Variants in MSRA observed in about 807,000 individuals in gnomAD.
MSRA encodes the protein methionine sulfoxide reductase A.
A neutral mutation model predicts 31.3 loss-of-function variants in MSRA; 54 were observed. That is an observed-to-expected ratio of 1.73 (90% CI 1.39 to 2.17). The LOEUF is 2.17. Ranked by LOEUF, MSRA falls within the 30% of genes most tolerant of loss-of-function variation. The pLI is 0.00. For missense variants in MSRA, 507 were observed against 300.9 expected, an observed-to-expected ratio of 1.69 and a Z score of -5.07; for synonymous variants, 169 against 116.5, an observed-to-expected ratio of 1.45 and a Z score of -2.90.
At chr8:10,308,597 G>C (rs1403428603) in intron 4 of MSRA, among the ~76,000 whole-genome samples, 1 of 152,240 alleles carries the variant, frequency 6.6e-6, no homozygotes, top group Non-Finnish European at 1.5e-5. Context: ...ACTCTTTACA[G>C]TGGCCAGTGT....
chr8:10,378,113 G>A (rs188373580), intron 5 of MSRA, among the ~76,000 whole-genome samples: 16 of 152,326 alleles, frequency 1.1e-4, no homozygotes, highest in Admixed American at 2.0e-4. Context: ...GGCACAGGGC[G>A]GAAGCAGGGA....
intron 1 of MSRA, among the ~76,000 whole-genome samples, chr8:10,178,312 G>T (rs560832796): frequency 3.3e-5 from 5 of 151,932 alleles, no homozygotes; most frequent in African/African-American, 1.2e-4. Context: ...ATTCCAGGCC[G>T]GACACGGTGG....
At chr8:10,212,604 A>C (rs2129062261) in intron 2 of MSRA, among the ~76,000 whole-genome samples, 1 of 152,280 alleles carries the variant, frequency 6.6e-6, no homozygotes, top group Non-Finnish European at 1.5e-5. Flanking sequence ...TATTCATAAA[A>C]CCTAGTTTGT....
intron 1 of MSRA, among the ~76,000 whole-genome samples, chr8:10,133,086 T>C (rs1468663141): frequency 1.3e-5 from 2 of 152,188 alleles, no homozygotes; most frequent in Non-Finnish European, 2.9e-5. Flanking sequence ...GGAGTCCGCA[T>C]TGGACTTGGG....
At chr8:10,363,738 CCACACACA>C (rs71203319) in intron 5 of MSRA, among the ~76,000 whole-genome samples, 20 of 103,370 alleles carry the variant, frequency 1.9e-4, no homozygotes, top group African/African-American at 3.7e-4. Flanking sequence ...GATGCAGTCA[CCACACACA>C]CACACACACA....
chr8:10,326,772 A>G (rs1802386173), intron 5 of MSRA, among the ~76,000 whole-genome samples: 1 of 152,142 alleles, frequency 6.6e-6, no homozygotes, highest in African/African-American at 2.4e-5. Context: ...CTAATGTATT[A>G]TTGTTTTTGG....
At chr8:10,348,054 A>G (rs1803894722) in intron 5 of MSRA, among the ~76,000 whole-genome samples, 1 of 152,232 alleles carries the variant, frequency 6.6e-6, no homozygotes, top group Admixed American at 6.5e-5. Flanking sequence ...GCAGCTGGTC[A>G]TTGCATCTAG....
intron 5 of MSRA, among the ~76,000 whole-genome samples, chr8:10,357,650 A>T (rs1267407817): frequency 6.6e-6 from 1 of 152,218 alleles, no homozygotes; most frequent in East Asian, 1.9e-4. Flanking sequence ...GGATTCCACC[A>T]TTTCTCCAAG....
At chr8:10,412,761 C>T (rs770925790) in intron 5 of MSRA, among the ~76,000 whole-genome samples, 88 of 152,244 alleles carry the variant, frequency 5.8e-4, no homozygotes, top group Non-Finnish European at 1.0e-3. Flanking sequence ...ATGACAGCCA[C>T]GTTGTGATGC....
At position 10,291,821 on chromosome 8, in the gene MSRA, C is replaced by G. The variant is rs28398009; in HGVS notation, c.332-9713C>G. On this transcript the variant is annotated intron_variant, in intron 3 of 5. Transcript: ENST00000317173. ...AAAAAAAATTACTGTGTCTCCCTCT[C>G]CCCTCCATCTTGCTTATAGGATAAA... Among the ~76,000 whole-genome samples, 670 of 152,242 alleles carry G rather than the reference C, an allele frequency of 4.4e-3. 7 individuals are homozygous for G. Among genetic ancestry groups the G allele is most frequent in the African/African-American group, 0.015 (637 of 41,542 alleles).
intron 1 of MSRA, among the ~76,000 whole-genome samples, chr8:10,193,374 C>A (rs916503431): frequency 6.6e-6 from 1 of 152,234 alleles, no homozygotes; most frequent in Non-Finnish European, 1.5e-5. Flanking sequence ...CCTCCTCTGT[C>A]TCCCCTGTGT....
chr8:10,357,850 A>G (rs1008354801), intron 5 of MSRA, among the ~76,000 whole-genome samples: 18 of 152,216 alleles, frequency 1.2e-4, no homozygotes, highest in African/African-American at 4.3e-4. Context: ...TTCAGACTCA[A>G]ATTCAGAACT....
intron 1 of MSRA, among the ~76,000 whole-genome samples, chr8:10,152,237 A>G (rs1201603568): frequency 6.6e-6 from 1 of 152,254 alleles, no homozygotes; most frequent in Non-Finnish European, 1.5e-5. Context: ...ATATGTGTGT[A>G]TCTAAAAACA....
intron 1 of MSRA, among the ~76,000 whole-genome samples, chr8:10,195,329 C>T (rs1807875948): frequency 2.6e-5 from 4 of 152,206 alleles, no homozygotes; most frequent in Admixed American, 2.6e-4. Flanking sequence ...CAATCTCTGC[C>T]TCCCGGGTTC....
At chr8:10,144,940 A>T (rs1019770317) in intron 1 of MSRA, among the ~76,000 whole-genome samples, 1 of 151,192 alleles carries the variant, frequency 6.6e-6, no homozygotes, top group East Asian at 2.0e-4. Context: ...GCCTTCAAAC[A>T]TAAAGCTGCT....
chr8:10,406,942 T>A (rs1455124583), intron 5 of MSRA, among the ~76,000 whole-genome samples: 1 of 152,218 alleles, frequency 6.6e-6, no homozygotes, highest in Admixed American at 6.5e-5. Flanking sequence ...GGCCTTGATC[T>A]TCTGGGCTCC....
intron 1 of MSRA, among the ~76,000 whole-genome samples, chr8:10,147,206 G>C (rs1803223592): frequency 6.6e-6 from 1 of 152,198 alleles, no homozygotes; most frequent in East Asian, 1.9e-4. Flanking sequence ...TAGATGAGAA[G>C]GAGCAGGCCT....
At chr8:10,287,391 A>G (rs777230354) in intron 3 of MSRA, among the ~76,000 whole-genome samples, 20 of 152,208 alleles carry the variant, frequency 1.3e-4, no homozygotes, top group Non-Finnish European at 2.2e-4. Context: ...TTAATACGCA[A>G]TTAATGCATA....
At chr8:10,178,677 G>C (rs1224191361) in intron 1 of MSRA, among the ~76,000 whole-genome samples, 1 of 152,162 alleles carries the variant, frequency 6.6e-6, no homozygotes, top group African/African-American at 2.4e-5. Context: ...AGTAACTCAG[G>C]TTTTGTTTCT....
Sources: allele counts gnomAD v4.1 joint callset (sites outside exome capture counted in the v4.1 genomes callset), GRCh38; gene constraint gnomAD v4.1.1; transcripts MANE v1.5; gene names NCBI Gene and HGNC (gene_info 2026-07-23, HGNC 2026-07-21).